Variants in RIC3 observed in about 807,000 individuals in gnomAD.
The protein encoded by RIC3 is protein RIC-3.
Under a neutral mutation model 27.3 loss-of-function variants are expected in RIC3, and 28 were observed. That is an observed-to-expected ratio of 1.02 (90% CI 0.76 to 1.41). RIC3 has a LOEUF of 1.41. Ranked by LOEUF, RIC3 falls within the 40% of genes most tolerant of loss-of-function variation. The pLI is 0.00. For synonymous variants in RIC3, 184 were observed against 160.4 expected (o/e 1.15, Z -1.11); for missense variants, 501 against 444.7 (o/e 1.13, Z -1.14).
chr11:8,109,212 T>G lies in RIC3; in HGVS notation c.*1486A>C, dbSNP rs1944986728. 1 of 152,252 alleles carries G rather than the reference T, an allele frequency of 6.6e-6. No individual in the cohort carries two copies. The highest frequency in any genetic ancestry group is 1.5e-5 in the Non-Finnish European group (1 of 68,040). The allele number at this position is 152,252 out of a possible 1,614,324, so 9.4% of individuals were successfully genotyped here. A position where few individuals can be genotyped will look rare whatever the true frequency, so the allele number is the denominator to read the frequency against. On this transcript the variant is annotated 3_prime_UTR_variant, in exon 6 of 6. Transcript: ENST00000309737. ...TGTATGCTGATGTATAATTTTAAAC[T>G]GTTTTCCTGGCACCTTATTCATGCC...
chr11:8,146,618 G>C (rs189661045), intron 1 of RIC3, among the ~76,000 whole-genome samples: 1 of 152,004 alleles, frequency 6.6e-6, no homozygotes, highest in East Asian at 1.9e-4. Context: ...CTGAGAACAC[G>C]TACCCAAGGC....
At chr11:8,111,658 G>A (rs866015630) in intron 5 of RIC3, among the ~76,000 whole-genome samples, 1 of 152,142 alleles carries the variant, frequency 6.6e-6, no homozygotes, top group Non-Finnish European at 1.5e-5. Flanking sequence ...CAAAAATAGA[G>A]AGCACTTTAG....
At chr11:8,128,657 T>G (rs1247162153) in intron 4 of RIC3, among the ~76,000 whole-genome samples, 2 of 152,136 alleles carry the variant, frequency 1.3e-5, no homozygotes, top group African/African-American at 4.8e-5. Context: ...ACGTGTTAGT[T>G]TGATTGATCC....
intron 1 of RIC3, among the ~76,000 whole-genome samples, chr11:8,162,911 G>A (rs554491223): frequency 1.3e-5 from 2 of 151,998 alleles, no homozygotes; most frequent in East Asian, 3.9e-4. Context: ...CTCCCCAAGT[G>A]CTGGGATTAT....
rs771709869 is a variant in RIC3, at chr11:8,140,156, G to A, written c.162C>T (p.His54=). ...GAGTCTGGCCATCTGAGGGTGCCTG[G>A]TGATGATGCATCATAGGTGGAAATC... is the stretch of plus-strand genomic sequence containing the variant. ...LGRFPPMMHH[H]QAPSDGQTPG... The change falls in exon 2 of 6, where the codon CAC becomes CAT. Residue 54 remains histidine (H), a synonymous_variant. Coordinates refer to ENST00000309737, the MANE Select transcript of RIC3 (RefSeq NM_001206671.4). The A allele has an allele frequency of 2.5e-6, 4 of 1,613,922 alleles. No individual in the cohort carries two copies. In the African/African-American group the frequency reaches 4.0e-5, roughly 16 times the overall value.
chr11:8,097,453 C>G, the RIC3 span: 1 of 1,613,884 alleles, frequency 6.2e-7, no homozygotes, highest in Non-Finnish European at 8.5e-7. Context: ...ATGTTATCAT[C>G]TAGGCTTTAC....
chr11:8,162,144 C>T (rs67651384), intron 1 of RIC3, among the ~76,000 whole-genome samples: 10,680 of 152,212 alleles, frequency 0.07, 422 homozygotes, highest in South Asian at 0.11. Context: ...AACTTGAGAA[C>T]GAACCCAGAG....
At chr11:8,128,338 A>T (rs1308572835) in intron 4 of RIC3, 1 of 452,810 alleles carries the variant, frequency 2.2e-6, no homozygotes, top group African/African-American at 2.0e-5. Context: ...AGTCATGGGA[A>T]ATCAGAAGCC....
At chr11:8,129,358 T>A (rs1947400032) in intron 4 of RIC3, among the ~76,000 whole-genome samples, 1 of 152,124 alleles carries the variant, frequency 6.6e-6, no homozygotes, top group Admixed American at 6.5e-5. Context: ...GATTAGACCA[T>A]CACCTCTATA....
At chr11:8,153,023 T>C (rs2134144756) in intron 1 of RIC3, among the ~76,000 whole-genome samples, 1 of 152,306 alleles carries the variant, frequency 6.6e-6, no homozygotes, top group Non-Finnish European at 1.5e-5. Flanking sequence ...AAACCTATGT[T>C]AGAACTGATT....
intron 5 of RIC3, among the ~76,000 whole-genome samples, chr11:8,112,436 G>C (rs764973093): frequency 5.3e-5 from 8 of 151,972 alleles, no homozygotes; most frequent in Non-Finnish European, 1.2e-4. Flanking sequence ...TGGGATTACA[G>C]GTGCATGCCA....
At position 8,109,378 on chromosome 11, in the gene RIC3, A is replaced by G. The variant is rs7481825; in HGVS notation, c.*1320T>C. 1.1e-3 allele frequency: 162 copies of G among 152,284 alleles called. No homozygotes were observed. Among genetic ancestry groups the G allele is most frequent in the African/African-American group, 3.1e-3 (128 of 41,556 alleles). 9.4% of individuals were successfully genotyped at this position (152,284 alleles called of 1,614,324 possible). On this transcript the variant is annotated 3_prime_UTR_variant, in exon 6 of 6. Coordinates refer to ENST00000309737, the MANE Select transcript of RIC3 (RefSeq NM_001206671.4). ...GGTCTTACATGTAAACTGAATTCAC[A>G]CATACCTCATGATGTAATTCATGGG...
At chr11:8,148,709 A>G (rs1949952683) in intron 1 of RIC3, among the ~76,000 whole-genome samples, 1 of 152,322 alleles carries the variant, frequency 6.6e-6, no homozygotes, top group East Asian at 1.9e-4. Context: ...AGAAAAGAAG[A>G]GAGCGATAAA....
In RIC3 at chr11:8,139,934, T is replaced by C. The variant is rs370267904; in HGVS notation, c.351+33A>G. The C allele has an allele frequency of 9.1e-5, 141 of 1,542,738 alleles. 2 individuals are homozygous for C. The Middle Eastern group carries it at 9.1e-3, about 99-fold the overall frequency. ...TTTTTATTGCCATATTAGATTTTCATTGATGTAATATGATTAGGATGATTC... is the reference window on the plus strand; with the variant it reads ...TTTTTATTGCCATATTAGATTTTCACTGATGTAATATGATTAGGATGATTC... On this transcript the variant is annotated intron_variant, in intron 2 of 5. Transcript: ENST00000309737.
intron 1 of RIC3, among the ~76,000 whole-genome samples, chr11:8,154,667 TCTG>T (rs149296563): frequency 0.017 from 2,561 of 152,314 alleles, 76 homozygotes; most frequent in African/African-American, 0.058. Flanking sequence ...TACCCCTTTT[TCTG>T]CTGATAAACA....
chr11:8,125,965 C>G lies in RIC3; in HGVS notation c.670+694G>C, dbSNP rs140558412. Among the ~76,000 whole-genome samples, 985 of 152,190 alleles carry G rather than the reference C, an allele frequency of 6.5e-3. 22 individuals carry two copies. Among genetic ancestry groups the G allele is most frequent in the Admixed American group, 0.051 (784 of 15,280 alleles). On this transcript the variant is annotated intron_variant, in intron 5 of 5. Coordinates refer to ENST00000309737, the MANE Select transcript of RIC3 (RefSeq NM_001206671.4). ...GAGGCAGGAGAATCACTTGAACCCA[C>G]GAGGTAGAGGTTGCAGCGAGCTGAG...
At chr11:8,139,843 G>T in intron 2 of RIC3, 124 bp downstream of exon 2, 1 of 826,750 alleles carries the variant, frequency 1.2e-6, no homozygotes, top group Non-Finnish European at 1.9e-6. Flanking sequence ...GAGGAGGCAG[G>T]ATTTAAAGAG....
At chr11:8,142,189 A>AAC (rs977735749) in intron 1 of RIC3, among the ~76,000 whole-genome samples, 2 of 138,644 alleles carry the variant, frequency 1.4e-5, no homozygotes, top group Admixed American at 1.4e-4. Context: ...AGCAGAACTG[A>AAC]AGGAAATAGA....
chr11:8,096,977 A>G, the RIC3 span, among the ~76,000 whole-genome samples: 2 of 152,054 alleles, frequency 1.3e-5, no homozygotes, highest in Non-Finnish European at 2.9e-5. Flanking sequence ...AGGGTGATGT[A>G]TGGGGGGAGA....
Sources: allele counts gnomAD v4.1 joint callset (sites outside exome capture counted in the v4.1 genomes callset), GRCh38; gene constraint gnomAD v4.1.1; transcripts MANE v1.5; gene names NCBI Gene and HGNC (gene_info 2026-07-23, HGNC 2026-07-21).